UBE4B: variants seen among roughly 807,000 people sequenced by gnomAD.
UBE4B encodes ubiquitin conjugation factor E4 B.
A neutral mutation model predicts 148.1 loss-of-function variants in UBE4B; 27 were observed. The observed-to-expected ratio is 0.18, with a 90% CI of 0.13 to 0.25. The LOEUF (loss-of-function observed/expected upper bound fraction) is 0.25, where lower values mean the gene tolerates loss of function less well. Among genes scored for constraint, UBE4B ranks in the 10% least tolerant of loss-of-function variants. The pLI is 1.00. For synonymous variants in UBE4B, 596 were observed against 619.3 expected (o/e 0.96, Z 0.56); for missense variants, 1,170 against 1,662.4 (o/e 0.70, Z 5.15).
chr1:10,134,466 C>T (rs1451952431), intron 15 of UBE4B, among the ~76,000 whole-genome samples: 4 of 151,668 alleles, frequency 2.6e-5, no homozygotes, highest in Admixed American at 2.0e-4. Flanking sequence ...GAGCGAGGAT[C>T]GTGCCACTGC....
chr1:10,180,291 C>A lies in UBE4B; in HGVS notation c.*335C>A. 1 of 256,970 alleles carries A rather than the reference C, an allele frequency of 3.9e-6. No individual in the cohort carries two copies. Among genetic ancestry groups the A allele is most frequent in the Non-Finnish European group, 7.3e-6 (1 of 136,632 alleles). 15.9% of individuals were successfully genotyped at this position (256,970 alleles called of 1,614,324 possible). ...CTAATGGGTCTGGGCAGCATCCCTT[C>A]ATGAATTTTTTTTTAATCCAATATC... is the stretch of plus-strand genomic sequence containing the variant. On this transcript the variant is annotated 3_prime_UTR_variant, in exon 28 of 28. Transcript: ENST00000343090.
At chr1:10,051,955 G>A (rs1644054927) in intron 1 of UBE4B, among the ~76,000 whole-genome samples, 1 of 152,172 alleles carries the variant, frequency 6.6e-6, no homozygotes, top group Non-Finnish European at 1.5e-5. Flanking sequence ...TATCTTTTGG[G>A]TCCTAGATTG....
At chr1:10,035,358 A>C (rs1368613190) in intron 1 of UBE4B, among the ~76,000 whole-genome samples, 3 of 122,572 alleles carry the variant, frequency 2.4e-5, no homozygotes, top group Non-Finnish European at 3.5e-5. Context: ...TGTTAATTCT[A>C]GTGAGTAATT....
chr1:10,119,703 C>T (rs1253973481), intron 9 of UBE4B, 90 bp downstream of exon 9: 2 of 1,105,114 alleles, frequency 1.8e-6, no homozygotes, highest in Non-Finnish European at 2.7e-6. Context: ...CTTGCACCAC[C>T]TTAGATAACT....
At chr1:10,117,162 C>G (rs77237801) in intron 7 of UBE4B, among the ~76,000 whole-genome samples, 1,779 of 152,272 alleles carry the variant, frequency 0.012, 31 homozygotes, top group African/African-American at 0.041. Context: ...GTTAAAGTAC[C>G]TGTGATGTCC....
chr1:10,079,049 C>T (rs1179771593), intron 2 of UBE4B, among the ~76,000 whole-genome samples: 1 of 151,998 alleles, frequency 6.6e-6, no homozygotes, highest in African/African-American at 2.4e-5. Flanking sequence ...GAACTCCTGG[C>T]CTCAAGCGAT....
rs116030309 is a variant in UBE4B, at chr1:10,103,118, C to T, written c.580+26C>T. 1.5e-4 allele frequency: 236 copies of T among 1,571,238 alleles called. No homozygotes were observed. The African/African-American group carries it at 2.8e-3, about 19-fold the overall frequency. ...GTAGGAATCTAGCTCAGCAGTCTTA[C>T]TGCAGAGTACTCGACAAGAAAATAA... On this transcript the variant is annotated intron_variant, in intron 5 of 27. Coordinates refer to ENST00000343090, the MANE Select transcript of UBE4B (RefSeq NM_001105562.3).
intron 1 of UBE4B, among the ~76,000 whole-genome samples, chr1:10,037,077 G>T (rs996281893): frequency 3.9e-5 from 6 of 152,120 alleles, no homozygotes; most frequent in African/African-American, 1.4e-4. Context: ...GCCCAGGCTG[G>T]AGTGCAATGG....
intron 1 of UBE4B, among the ~76,000 whole-genome samples, chr1:10,047,039 G>T (rs770497980): frequency 1.3e-5 from 2 of 152,126 alleles, no homozygotes; most frequent in Non-Finnish European, 2.9e-5. Context: ...GATATCACGG[G>T]TTTTGCCAAA....
At chr1:10,127,273 T>C (rs1182880889) in intron 11 of UBE4B, among the ~76,000 whole-genome samples, 1 of 152,166 alleles carries the variant, frequency 6.6e-6, no homozygotes, top group Non-Finnish European at 1.5e-5. Flanking sequence ...ATGAATACAA[T>C]TTTATCTTTA....
chr1:10,158,318 A>G, intron 21 of UBE4B, 38 bp from the exon 22 acceptor site: 1 of 1,601,354 alleles, frequency 6.2e-7, no homozygotes, highest in Non-Finnish European at 8.5e-7. Context: ...AAAGCAAGAA[A>G]ATACATATCC....
At position 10,121,441 on chromosome 1, in the gene UBE4B, C is replaced by G. The variant is rs111738540; in HGVS notation, c.1440-521C>G. Among the ~76,000 whole-genome samples, 716 of 152,230 alleles carry G rather than the reference C, an allele frequency of 4.7e-3. 11 individuals carry two copies. The highest frequency in any genetic ancestry group is 0.016 in the African/African-American group (675 of 41,526). On this transcript the variant is annotated intron_variant, in intron 9 of 27. Transcript: ENST00000343090. The stretch of plus-strand genomic sequence containing the variant: ...TATTTATTTTTAAGAGACAGAATCT[C>G]ACTCTGTTGTCTAGGCTGGAGTGCT...
chr1:10,106,609 T>G lies in UBE4B; in HGVS notation c.1196+26T>G, dbSNP rs1205836717. 1 of 1,508,526 alleles carries G rather than the reference T, an allele frequency of 6.6e-7. No homozygotes were observed. The highest frequency in any genetic ancestry group is 8.8e-7 in the Non-Finnish European group (1 of 1,136,798). The allele number at this position is 1,508,526 out of a possible 1,614,324, so 93.4% of individuals were successfully genotyped here. ...GTATTTATCCCACAGGAGAGTTGCA[T>G]GTGTGTTTGCGGTGCAGGGAAAGGA... On this transcript the variant is annotated intron_variant, in intron 7 of 27. Coordinates refer to ENST00000343090, the MANE Select transcript of UBE4B (RefSeq NM_001105562.3). The surrounding 1 kb of genome is among the most constrained non-coding windows in gnomAD (Gnocchi z 4.2).
At chr1:10,145,397 A>AGT (rs1645852965) in intron 18 of UBE4B, 2 of 156,696 alleles carry the variant, frequency 1.3e-5, no homozygotes, top group African/African-American at 4.8e-5. Context: ...GGAGATGGAG[A>AGT]CCATCCTGGC....
At chr1:10,046,296 A>G (rs1007811796) in intron 1 of UBE4B, among the ~76,000 whole-genome samples, 1 of 152,186 alleles carries the variant, frequency 6.6e-6, no homozygotes, top group African/African-American at 2.4e-5. Context: ...AGAGCAGTCT[A>G]TGCCTTTCTT....
chr1:10,120,302 C>T (rs1645389293), intron 9 of UBE4B, among the ~76,000 whole-genome samples: 1 of 152,102 alleles, frequency 6.6e-6, no homozygotes, highest in African/African-American at 2.4e-5. Context: ...TGGCGGATCA[C>T]CTGAGGTCAG....
intron 1 of UBE4B, among the ~76,000 whole-genome samples, chr1:10,041,454 C>A (rs1194891913): frequency 6.6e-6 from 1 of 151,414 alleles, no homozygotes; most frequent in Non-Finnish European, 1.5e-5. Flanking sequence ...CCTGCCTAAG[C>A]CTCCCAAGTA....
At chr1:10,073,920 A>ATTTTTTTTTTTTTTTT (rs947131085) in intron 2 of UBE4B, among the ~76,000 whole-genome samples, 1 of 74,852 alleles carries the variant, frequency 1.3e-5, no homozygotes, top group Non-Finnish European at 2.5e-5. Flanking sequence ...CTTTCTTTCT[A>ATTTTTTTTTTTTTTTT]TTTTTTTTTT....
In UBE4B at chr1:10,168,311, C is replaced by T; in HGVS notation, c.3333+41C>T. 6.2e-7 allele frequency: 1 copy of T among 1,604,912 alleles called. No individual in the cohort carries two copies. Among genetic ancestry groups the T allele is most frequent in the Non-Finnish European group, 8.5e-7 (1 of 1,175,270 alleles). On this transcript the variant is annotated intron_variant, in intron 24 of 27. Transcript: ENST00000343090. The surrounding 1 kb of genome is among the most constrained non-coding windows in gnomAD (Gnocchi z 4.9). ...GGGCTCTGTTTGGTGGTTTGGACTC[C>T]ACATTCAGACTCTCTCACTTATAAC...
Sources: gnomAD v4.1 joint callset for allele counts (sites outside exome capture counted in the v4.1 genomes callset) on GRCh38, gnomAD v4.1.1 for gene constraint, Gnocchi (gnomAD v3.1) non-coding constraint, MANE v1.5 for transcripts, NCBI Gene and HGNC (gene_info 2026-07-23, HGNC 2026-07-21) for gene names.